Variants in MSRA observed in about 807,000 individuals in gnomAD.
MSRA encodes methionine sulfoxide reductase A.
In MSRA, 54 loss-of-function variants were observed where a neutral mutation model predicts 31.3. The observed-to-expected ratio is 1.73, with a 90% CI of 1.39 to 2.17. The LOEUF is 2.17. MSRA is among the 30% of genes most tolerant of loss of function. The pLI is 0.00. For missense variants in MSRA, 507 were observed against 300.9 expected (o/e 1.69, Z -5.07); for synonymous variants, 169 against 116.5 (o/e 1.45, Z -2.90).
At chr8:10,234,449 G>GA (rs1811771200) in intron 2 of MSRA, among the ~76,000 whole-genome samples, 1 of 151,720 alleles carries the variant, frequency 6.6e-6, no homozygotes, top group Non-Finnish European at 1.5e-5. Flanking sequence ...AACACTAGAA[G>GA]AACAGATTTT....
At chr8:10,278,593 A>G (rs1045357524) in intron 3 of MSRA, among the ~76,000 whole-genome samples, 3 of 152,182 alleles carry the variant, frequency 2.0e-5, no homozygotes, top group African/African-American at 4.8e-5. Flanking sequence ...TGGCTCAGCT[A>G]TGGTGCACCT....
intron 1 of MSRA, among the ~76,000 whole-genome samples, chr8:10,158,623 A>G (rs886997891): frequency 2.0e-5 from 3 of 152,264 alleles, no homozygotes; most frequent in Non-Finnish European, 4.4e-5. Flanking sequence ...CATTTTATGT[A>G]TTCATCAGTT....
intron 1 of MSRA, among the ~76,000 whole-genome samples, chr8:10,068,455 G>A (rs568376935): frequency 6.6e-6 from 1 of 152,294 alleles, no homozygotes; most frequent in East Asian, 1.9e-4. Context: ...TTTGCATTTA[G>A]CTATGTGATC....
intron 1 of MSRA, among the ~76,000 whole-genome samples, chr8:10,067,865 T>C (rs947309427): frequency 4.0e-5 from 6 of 150,956 alleles, no homozygotes; most frequent in Non-Finnish European, 8.8e-5. Context: ...TGGGTTGTTT[T>C]CTTACTGAGT....
intron 5 of MSRA, among the ~76,000 whole-genome samples, chr8:10,374,702 G>T (rs1381393490): frequency 6.6e-6 from 1 of 152,134 alleles, no homozygotes; most frequent in Non-Finnish European, 1.5e-5. Context: ...GAAATCTCTT[G>T]TGCATTTGAA....
intron 5 of MSRA, among the ~76,000 whole-genome samples, chr8:10,414,162 G>C (rs560532860): frequency 3.2e-4 from 49 of 151,852 alleles, no homozygotes; most frequent in Middle Eastern, 6.8e-3. Context: ...ATGAGACTCT[G>C]TCTATGAAGA....
intron 3 of MSRA, among the ~76,000 whole-genome samples, chr8:10,297,555 C>T (rs891434100): frequency 6.6e-6 from 1 of 152,164 alleles, no homozygotes; most frequent in Non-Finnish European, 1.5e-5. Flanking sequence ...TGGCTGGTTC[C>T]TGTAAAGTGT....
At chr8:10,118,219 T>A (rs1201591206) in intron 1 of MSRA, among the ~76,000 whole-genome samples, 1 of 152,188 alleles carries the variant, frequency 6.6e-6, no homozygotes, top group Non-Finnish European at 1.5e-5. Flanking sequence ...GCAGCTATAA[T>A]CAGTCACTGG....
chr8:10,148,311 T>C (rs527458744), intron 1 of MSRA, among the ~76,000 whole-genome samples: 12 of 152,236 alleles, frequency 7.9e-5, no homozygotes, highest in African/African-American at 2.9e-4. Flanking sequence ...TTTTCTTTTT[T>C]TTTTTTTTAT....
chr8:10,085,977 G>GGTATTATGA (rs1563416996), intron 1 of MSRA, among the ~76,000 whole-genome samples: 1 of 152,064 alleles, frequency 6.6e-6, no homozygotes, highest in Non-Finnish European at 1.5e-5. Context: ...TGGGTGTTCA[G>GGTATTATGA]ATTGTTTCCA....
At chr8:10,115,153 C>G (rs1489593453) in intron 1 of MSRA, among the ~76,000 whole-genome samples, 3 of 152,340 alleles carry the variant, frequency 2.0e-5, no homozygotes, top group South Asian at 2.1e-4. Flanking sequence ...CTTTGGGCAA[C>G]TGGCTTACTA....
intron 1 of MSRA, among the ~76,000 whole-genome samples, chr8:10,161,053 A>G (rs983259083): frequency 2.0e-5 from 3 of 152,224 alleles, no homozygotes; most frequent in Admixed American, 1.3e-4. Flanking sequence ...TTTTAAAGCC[A>G]CTATATTACA....
chr8:10,394,702 C>T (rs1806984528), intron 5 of MSRA, among the ~76,000 whole-genome samples: 1 of 152,240 alleles, frequency 6.6e-6, no homozygotes, highest in Non-Finnish European at 1.5e-5. Flanking sequence ...ACAGGTCCTG[C>T]TTCCCTTCTG....
intron 3 of MSRA, among the ~76,000 whole-genome samples, chr8:10,262,429 G>A (rs1043303183): frequency 1.3e-5 from 2 of 152,184 alleles, no homozygotes; most frequent in African/African-American, 4.8e-5. Flanking sequence ...TAGGTGTATA[G>A]TGGTATCTCC....
At chr8:10,225,977 A>G (rs1216141177) in intron 2 of MSRA, among the ~76,000 whole-genome samples, 1 of 152,202 alleles carries the variant, frequency 6.6e-6, no homozygotes, top group Non-Finnish European at 1.5e-5. Context: ...AAAAAATGGG[A>G]AGTGTGAAAT....
intron 1 of MSRA, chr8:10,095,869 A>G (rs1466740242): frequency 7.8e-7 from 1 of 1,277,622 alleles, no homozygotes; most frequent in Admixed American, 3.8e-5. Context: ...GAAATACTAT[A>G]TTTGATTTTT....
intron 3 of MSRA, among the ~76,000 whole-genome samples, chr8:10,281,565 A>G (rs1799624547): frequency 6.6e-6 from 1 of 152,238 alleles, no homozygotes; most frequent in African/African-American, 2.4e-5. Flanking sequence ...TGCAGTGAAC[A>G]TAGGAGCCAG....
In MSRA at chr8:10,080,185, A is replaced by G. The variant is rs553209150; in HGVS notation, c.142+25527A>G. 7.5e-4 allele frequency among the ~76,000 whole-genome samples: 114 copies of G among 152,294 alleles called. 2 individuals carry two copies. The highest frequency in any genetic ancestry group is 3.4e-3 in the Middle Eastern group (1 of 294). On this transcript the variant is annotated intron_variant, in intron 1 of 5. Coordinates refer to ENST00000317173, the MANE Select transcript of MSRA (RefSeq NM_012331.5). ...CAGACTGGTTGCTAATACAGTTACG[A>G]CATTCTCTTTCTCAGTCTAGGGGAA...
chr8:10,360,502 A>T (rs1804783601), intron 5 of MSRA, among the ~76,000 whole-genome samples: 1 of 152,184 alleles, frequency 6.6e-6, no homozygotes, highest in Non-Finnish European at 1.5e-5. Context: ...GAAGGATCTC[A>T]TTGTAGCTGC....
Sources: gnomAD v4.1 joint callset for allele counts (sites outside exome capture counted in the v4.1 genomes callset) on GRCh38, gnomAD v4.1.1 for gene constraint, MANE v1.5 for transcripts, NCBI Gene and HGNC (gene_info 2026-07-23, HGNC 2026-07-21) for gene names.